Variants in ZNF107 observed in about 807,000 individuals in gnomAD.
The protein encoded by ZNF107 is zinc finger protein 107.
In ZNF107, 19 loss-of-function variants were observed where a neutral mutation model predicts 12.3. That is an observed-to-expected ratio of 1.55 (90% CI 1.08 to 2.27). The LOEUF (loss-of-function observed/expected upper bound fraction) is 2.27, where lower values mean the gene tolerates loss of function less well. ZNF107 is among the 30% of genes most tolerant of loss of function. The probability of loss-of-function intolerance (pLI) is 0.00; values close to 1 mark genes in which losing one functional copy is unlikely to be tolerated. For synonymous variants in ZNF107, 317 were observed against 330.5 expected (o/e 0.96, Z 0.44); for missense variants, 958 against 979.9 (o/e 0.98, Z 0.30).
chr7:64,676,856 A>G (rs1789430195), intron 1 of ZNF107, among the ~76,000 whole-genome samples: 1 of 151,946 alleles, frequency 6.6e-6, no homozygotes, highest in South Asian at 2.1e-4. Context: ...CATTTTGTCT[A>G]TGTTATCTTA....
chr7:64,672,705 G>A (rs957199143), intron 1 of ZNF107, among the ~76,000 whole-genome samples: 23 of 152,206 alleles, frequency 1.5e-4, no homozygotes, highest in African/African-American at 5.3e-4. Context: ...ATAGGTATTT[G>A]GTTGATTCCG....
chr7:64,684,302 G>C (rs1789811660), intron 1 of ZNF107, among the ~76,000 whole-genome samples: 1 of 152,130 alleles, frequency 6.6e-6, no homozygotes, highest in Non-Finnish European at 1.5e-5. Flanking sequence ...AATGAAATCT[G>C]TCAGGCTGCT....
rs565632124 is a variant in ZNF107, at chr7:64,710,827, T to C, written c.*2171T>C. On this transcript the variant is annotated 3_prime_UTR_variant, in exon 4 of 4. Transcript: ENST00000620827. ...TAAGGACATTAAAATGTAAGATGCA[T>C]GATGAAAACCTGAGTGAAGAGGCTG... The C allele has an allele frequency of 6.6e-6, 1 of 152,270 alleles. No individual in the cohort carries two copies. The highest frequency in any genetic ancestry group is 2.4e-5 in the African/African-American group (1 of 41,576). The allele number at this position is 152,270 out of a possible 1,614,324, so 9.4% of individuals were successfully genotyped here.
intron 3 of ZNF107, among the ~76,000 whole-genome samples, chr7:64,698,020 T>C (rs556870170): frequency 9.9e-5 from 15 of 152,278 alleles, no homozygotes; most frequent in African/African-American, 3.6e-4. Flanking sequence ...GCATTCTTGT[T>C]TTTCACCAGA....
intron 3 of ZNF107, among the ~76,000 whole-genome samples, chr7:64,701,744 C>T (rs1437897448): frequency 2.6e-5 from 4 of 152,036 alleles, no homozygotes; most frequent in Admixed American, 2.6e-4. Flanking sequence ...TTCAGCCTCT[C>T]AAGTATCTCT....
chr7:64,702,795 G>A (rs1018389538), intron 3 of ZNF107, among the ~76,000 whole-genome samples: 1 of 151,140 alleles, frequency 6.6e-6, no homozygotes, highest in Non-Finnish European at 1.5e-5. Context: ...CCGACCTCAG[G>A]TGATTTGTCT....
chr7:64,702,435 A>G (rs1439347391), intron 3 of ZNF107, among the ~76,000 whole-genome samples: 2 of 149,798 alleles, frequency 1.3e-5, no homozygotes, highest in Non-Finnish European at 3.0e-5. Flanking sequence ...GCGCCCGGCC[A>G]ATATTTTTAA....
Position 64,707,031 on chromosome 7 carries a change from C to T in ZNF107, c.934C>T (p.Leu312Phe), listed in dbSNP as rs1445563694. The change falls in exon 4 of 4, where the codon CTC becomes TTC. Residue 312 changes from leucine to phenylalanine, a missense_variant. Transcript: ENST00000620827. ...AAAGATACTTCACACTGGAGAGAACCTCTACAAGTGTAAAGAATGTGGAAA... is the reference window on the plus strand; with the variant it reads ...AAAGATACTTCACACTGGAGAGAACTTCTACAAGTGTAAAGAATGTGGAAA... ...TQKILHTGEN[L>F]YKCKECGKAF... 1.9e-6 allele frequency: 3 copies of T among 1,612,712 alleles called. No individual in the cohort carries two copies. Among genetic ancestry groups the T allele is most frequent in the Admixed American group, 1.7e-5 (1 of 59,834 alleles).
At chr7:64,703,272 C>T (rs1243957973) in intron 3 of ZNF107, among the ~76,000 whole-genome samples, 3 of 152,074 alleles carry the variant, frequency 2.0e-5, no homozygotes, top group Admixed American at 1.3e-4. Flanking sequence ...TGTCTACTGC[C>T]AATGTAATTA....
At position 64,710,955 on chromosome 7, in the gene ZNF107, A is replaced by G. The variant is rs1016214267; in HGVS notation, c.*2299A>G. On this transcript the variant is annotated 3_prime_UTR_variant, in exon 4 of 4. Transcript: ENST00000620827. ...AAAACCATTTTTAATCTTAGTTAAA[A>G]TTAAAGTGAATTAGTAGTATATCAT... 1 of 152,208 alleles carries G rather than the reference A, an allele frequency of 6.6e-6. No individual in the cohort carries two copies. Among genetic ancestry groups the G allele is most frequent in the Non-Finnish European group, 1.5e-5 (1 of 68,004 alleles). The allele number at this position is 152,208 out of a possible 1,614,324, so 9.4% of individuals were successfully genotyped here.
chr7:64,668,189 G>A (rs1789078943), intron 1 of ZNF107, among the ~76,000 whole-genome samples: 1 of 151,624 alleles, frequency 6.6e-6, no homozygotes, highest in Admixed American at 6.6e-5. Flanking sequence ...AAGTTTTAGG[G>A]TACATGTGCA....
In ZNF107 at chr7:64,710,182, G is replaced by C. The variant is rs533076974; in HGVS notation, c.*1526G>C. 1 of 156,948 alleles carries C rather than the reference G, an allele frequency of 6.4e-6. No homozygotes were observed. Among genetic ancestry groups the C allele is most frequent in the Non-Finnish European group, 1.4e-5 (1 of 71,572 alleles). 9.7% of individuals were successfully genotyped at this position (156,948 alleles called of 1,614,324 possible). A position where few individuals can be genotyped will look rare whatever the true frequency, so the allele number is the denominator to read the frequency against. On this transcript the variant is annotated 3_prime_UTR_variant, in exon 4 of 4. Coordinates refer to ENST00000620827, the MANE Select transcript of ZNF107 (RefSeq NM_001282359.2). ...TTGTGAGGACAAACAATACAAATACGAAGAGGGTTGTAGTACCTTTACTTG... is the reference window on the plus strand; with the variant it reads ...TTGTGAGGACAAACAATACAAATACCAAGAGGGTTGTAGTACCTTTACTTG...
intron 1 of ZNF107, chr7:64,690,221 A>G (rs764194645): frequency 3.4e-5 from 10 of 296,196 alleles, no homozygotes; most frequent in Non-Finnish European, 4.9e-5. Context: ...TATTTCTTTT[A>G]CTTTGCTAAG....
intron 3 of ZNF107, among the ~76,000 whole-genome samples, chr7:64,699,469 A>T (rs1229810805): frequency 6.6e-6 from 1 of 152,136 alleles, no homozygotes; most frequent in African/African-American, 2.4e-5. Flanking sequence ...CCCAGGCTAA[A>T]GTGCAGTGGT....
In ZNF107 at chr7:64,706,766, T is replaced by C. The variant is rs1193847720; in HGVS notation, c.669T>C (p.His223=). The C allele has an allele frequency of 6.2e-7, 1 of 1,613,336 alleles. No homozygotes were observed. Among genetic ancestry groups the C allele is most frequent in the South Asian group, 1.1e-5 (1 of 91,010 alleles). The change falls in exon 4 of 4, where the codon CAT becomes CAC. Residue 223 remains histidine, a synonymous_variant. Coordinates refer to ENST00000620827, the MANE Select transcript of ZNF107 (RefSeq NM_001282359.2). ...FSTLTKHKRI[H]TGEKPYKCEE... ...CTCTTACTAAACATAAGAGAATTCA[T>C]ACTGGAGAAAAGCCCTACAAATGTG...
Position 64,709,358 on chromosome 7 carries a change from T to C in ZNF107, c.*702T>C. ...ACACCTTGCTACATATAAGACAGTT[T>C]ATACTTTGAGAGAAACCCTGCAAAT... On this transcript the variant is annotated 3_prime_UTR_variant, in exon 4 of 4. Coordinates refer to ENST00000620827, the MANE Select transcript of ZNF107 (RefSeq NM_001282359.2). 1 of 342,184 alleles carries C rather than the reference T, an allele frequency of 2.9e-6. No homozygotes were observed. Among genetic ancestry groups the C allele is most frequent in the Middle Eastern group, 7.1e-4 (1 of 1,400 alleles). 21.2% of individuals were successfully genotyped at this position (342,184 alleles called of 1,614,324 possible).
chr7:64,678,833 A>C (rs1789531929), intron 1 of ZNF107: 1 of 152,142 alleles, frequency 6.6e-6, no homozygotes, highest in Non-Finnish European at 1.5e-5. Flanking sequence ...GAATGCTGCT[A>C]TTACAAGACA....
chr7:64,677,250 C>T (rs1789448645), intron 1 of ZNF107, among the ~76,000 whole-genome samples: 1 of 151,614 alleles, frequency 6.6e-6, no homozygotes, highest in African/African-American at 2.4e-5. Flanking sequence ...TGGCTCACTG[C>T]AACCTCCATC....
chr7:64,669,571 A>T (rs1349004932), intron 1 of ZNF107, among the ~76,000 whole-genome samples: 2 of 152,076 alleles, frequency 1.3e-5, no homozygotes, highest in Non-Finnish European at 2.9e-5. Context: ...AGGCAGGCGG[A>T]TCACCTGAGG....
Sources: allele counts gnomAD v4.1 joint callset (sites outside exome capture counted in the v4.1 genomes callset), GRCh38; gene constraint gnomAD v4.1.1; transcripts MANE v1.5; gene names NCBI Gene and HGNC (gene_info 2026-07-23, HGNC 2026-07-21).